Variants in STAC observed in about 807,000 individuals in gnomAD.
STAC encodes the protein SH3 and cysteine-rich domain-containing protein.
A neutral mutation model predicts 48.8 loss-of-function variants in STAC; 43 were observed. The observed-to-expected ratio is 0.88, with a 90% CI of 0.69 to 1.14. The LOEUF (loss-of-function observed/expected upper bound fraction) is 1.14. Among genes scored for constraint, STAC ranks in the 50% most tolerant of loss-of-function variants. The pLI, the probability that STAC is intolerant of heterozygous loss-of-function variation, is 0.00. For missense variants in STAC, 497 were observed against 504.0 expected (o/e 0.99, Z 0.13); for synonymous variants, 193 against 179.5 (o/e 1.07, Z -0.60).
At chr3:36,413,406 T>C (rs1700241662) in intron 1 of STAC, among the ~76,000 whole-genome samples, 1 of 152,226 alleles carries the variant, frequency 6.6e-6, no homozygotes, top group Non-Finnish European at 1.5e-5. Flanking sequence ...TGCTGTTGAA[T>C]TGATCCCTTT....
At chr3:36,512,059 TG>T (rs1179192698) in intron 8 of STAC, among the ~76,000 whole-genome samples, 1 of 152,152 alleles carries the variant, frequency 6.6e-6, no homozygotes, top group Non-Finnish European at 1.5e-5. Context: ...AGGTGATTCT[TG>T]GGTCTTTCCA....
chr3:36,408,924 A>C (rs1700137748), intron 1 of STAC, among the ~76,000 whole-genome samples: 1 of 152,188 alleles, frequency 6.6e-6, no homozygotes. Flanking sequence ...ATGGTGTATC[A>C]ATTTTTAATT....
At chr3:36,422,082 T>G (rs1414279217) in intron 1 of STAC, among the ~76,000 whole-genome samples, 2 of 152,124 alleles carry the variant, frequency 1.3e-5, no homozygotes, top group African/African-American at 4.8e-5. Flanking sequence ...TCAGAAGTTT[T>G]CACTGGCACT....
At chr3:36,455,248 G>A (rs1696819091) in intron 2 of STAC, among the ~76,000 whole-genome samples, 1 of 152,212 alleles carries the variant, frequency 6.6e-6, no homozygotes, top group Admixed American at 6.5e-5. Context: ...CATCCAGGAA[G>A]AAATAGAAAT....
In STAC at chr3:36,483,085, G is replaced by C; in HGVS notation, c.482G>C (p.Gly161Ala). 5.0e-6 allele frequency: 8 copies of C among 1,613,172 alleles called. No individual in the cohort carries two copies. Among genetic ancestry groups the C allele is most frequent in the Non-Finnish European group, 5.9e-6 (7 of 1,179,132 alleles). The change falls in exon 3 of 11, where the codon GGC becomes GCC. Residue 161 changes from glycine (G) to alanine (A), a missense_variant. Gly to Ala is a moderately conservative substitution (Grantham distance 60). Transcript: ENST00000273183. ...GGCCTGGCACCCCAGCGGTGCATGG[G>C]CAAGCTGGTAAGGGCTTGTGCCAGG... is the stretch of plus-strand genomic sequence containing the variant. ...TDGLAPQRCMGKLPKGFRRYY... is the reference protein window; with the variant it reads ...TDGLAPQRCMAKLPKGFRRYY...
chr3:36,530,593 C>CTTTTTTTTTTTTTTTTTTTT (rs577222686), intron 10 of STAC, among the ~76,000 whole-genome samples: 35 of 72,008 alleles, frequency 4.9e-4, no homozygotes, highest in South Asian at 6.2e-4. Context: ...TTTTTTTTTT[C>CTTTTTTTTTTTTTTTTTTTT]TTTTTTTTTT....
In STAC at chr3:36,443,789, A is replaced by G. The variant is rs1469642388; in HGVS notation, c.388+149A>G. Reference sequence around the variant, plus strand: ...TCATTCAGGAGTGCTTTGGGGAACAATATTTGTGAGAAGGTAAGGGAAGCA... The same window carrying G: ...TCATTCAGGAGTGCTTTGGGGAACAGTATTTGTGAGAAGGTAAGGGAAGCA... On this transcript the variant is annotated intron_variant, in intron 2 of 10. Coordinates refer to ENST00000273183, the MANE Select transcript of STAC (RefSeq NM_003149.3). The surrounding 1 kb of genome is among the most constrained non-coding windows in gnomAD (Gnocchi z 4.2). The G allele has an allele frequency of 1.8e-6, 2 of 1,096,918 alleles. No individual in the cohort carries two copies. The highest frequency in any genetic ancestry group is 3.2e-5 in the African/African-American group (2 of 63,434). 67.9% of individuals were successfully genotyped at this position (1,096,918 alleles called of 1,614,324 possible).
At chr3:36,498,441 C>T (rs1698200404) in intron 6 of STAC, among the ~76,000 whole-genome samples, 1 of 152,178 alleles carries the variant, frequency 6.6e-6, no homozygotes, top group East Asian at 1.9e-4. Context: ...ATCTAAGTGA[C>T]AATTTAGAAG....
chr3:36,479,017 T>C (rs1178393972), intron 2 of STAC, among the ~76,000 whole-genome samples: 2 of 152,194 alleles, frequency 1.3e-5, no homozygotes, highest in South Asian at 2.1e-4. Flanking sequence ...AGAGTTATCA[T>C]AGTGGGATAC....
chr3:36,528,781 A>G (rs1698996837), intron 9 of STAC, 34 bp downstream of exon 9: 1 of 1,597,970 alleles, frequency 6.3e-7, no homozygotes. Flanking sequence ...AAAAAAAGAG[A>G]AAATCATTTG....
intron 5 of STAC, among the ~76,000 whole-genome samples, chr3:36,487,590 A>ACC (rs2125702796): frequency 6.6e-6 from 1 of 152,310 alleles, no homozygotes; most frequent in South Asian, 2.1e-4. Flanking sequence ...AGAATTCACA[A>ACC]CTTATTTCTG....
chr3:36,525,849 C>T (rs771782571), intron 8 of STAC, among the ~76,000 whole-genome samples: 1 of 152,098 alleles, frequency 6.6e-6, no homozygotes. Context: ...ATGTGACAAG[C>T]CTGTTATATT....
At chr3:36,499,187 A>G (rs1427188698) in intron 6 of STAC, among the ~76,000 whole-genome samples, 1 of 152,222 alleles carries the variant, frequency 6.6e-6, no homozygotes, top group Admixed American at 6.5e-5. Context: ...ATATGACCTC[A>G]ATGGAAAGAC....
intron 6 of STAC, among the ~76,000 whole-genome samples, chr3:36,495,179 A>G (rs182951845): frequency 1.3e-4 from 20 of 152,328 alleles, no homozygotes; most frequent in Middle Eastern, 3.4e-3. Flanking sequence ...TAAAATGAAG[A>G]TAATAACACC....
At chr3:36,426,073 G>A (rs1444708201) in intron 1 of STAC, among the ~76,000 whole-genome samples, 1 of 150,842 alleles carries the variant, frequency 6.6e-6, no homozygotes, top group East Asian at 1.9e-4. Flanking sequence ...AACAAAAAAA[G>A]AGTATTTCAG....
At chr3:36,507,726 T>C (rs1429897220) in intron 8 of STAC, among the ~76,000 whole-genome samples, 1 of 152,234 alleles carries the variant, frequency 6.6e-6, no homozygotes, top group Non-Finnish European at 1.5e-5. Flanking sequence ...TAGTATTCTC[T>C]GATGGTAGCT....
rs753886701 is a variant in STAC, at chr3:36,486,158, T to G, written c.596T>G (p.Val199Gly). 2 of 1,613,930 alleles carry G rather than the reference T, an allele frequency of 1.2e-6. No individual in the cohort carries two copies. Among genetic ancestry groups the G allele is most frequent in the African/African-American group, 1.3e-5 (1 of 75,042 alleles). The part of the protein sequence containing the change: ...PIACGNKVDP[V>G]YETLRFGTSL... Reference sequence around the variant, plus strand: ...GCCTGTGGCAATAAGGTGGACCCTGTCTACGAGACCCTCCGCTTCGGCACC... The same window carrying G: ...GCCTGTGGCAATAAGGTGGACCCTGGCTACGAGACCCTCCGCTTCGGCACC... Residue 199 changes from valine to glycine, a missense_variant, in exon 5 of 11, where the codon GTC becomes GGC. Coordinates refer to ENST00000273183, the MANE Select transcript of STAC (RefSeq NM_003149.3).
rs751445069 is a variant in STAC, at chr3:36,486,253, A to G, written c.687+4A>G. 5.0e-6 allele frequency: 8 copies of G among 1,612,032 alleles called. No homozygotes were observed. The East Asian group carries it at 1.8e-4, about 36-fold the overall frequency. ...TGACTCACCTCACAGAACCTCTGTA[A>G]TTATCCTCTTCCTTCCTCGGTTTGT... is the stretch of plus-strand genomic sequence containing the variant. On this transcript the variant is annotated splice_donor_region_variant and intron_variant, in intron 5 of 10. Transcript: ENST00000273183.
chr3:36,510,803 G>C (rs954635051), intron 8 of STAC, among the ~76,000 whole-genome samples: 1 of 151,998 alleles, frequency 6.6e-6, no homozygotes, highest in Admixed American at 6.6e-5. Flanking sequence ...ACTGGGGCCT[G>C]TTGGGGGTTG....
Sources: gnomAD v4.1 joint callset for allele counts (sites outside exome capture counted in the v4.1 genomes callset) on GRCh38, gnomAD v4.1.1 for gene constraint, Gnocchi (gnomAD v3.1) non-coding constraint, MANE v1.5 for transcripts, NCBI Gene and HGNC (gene_info 2026-07-23, HGNC 2026-07-21) for gene names.